Variants in CHD8 observed in about 807,000 individuals in gnomAD.
CHD8 encodes the protein ATP-dependent chromatin remodeler CHD8.
Under a neutral mutation model 279.2 loss-of-function variants are expected in CHD8, and 31 were observed. The ratio of observed to expected loss-of-function variants is 0.11; its 90% CI spans 0.08 to 0.15. The LOEUF is 0.15. Ranked by LOEUF, CHD8 falls within the 10% of genes least tolerant of loss-of-function variation. The pLI, the probability that CHD8 is intolerant of heterozygous loss-of-function variation, is 1.00. For missense variants in CHD8, 2,146 were observed against 3,230.5 expected (o/e 0.66, Z 8.14); for synonymous variants, 1,081 against 1,139.6 (o/e 0.95, Z 1.04).
rs563237483 is a variant in CHD8 at position 21,451,088 on chromosome 14, G to A, written c.-216+4944C>T. Among the ~76,000 whole-genome samples the A allele has an allele frequency of 2.0e-5, 3 of 152,210 alleles. No individual in the cohort carries two copies. In the East Asian group the frequency reaches 5.8e-4, roughly 29 times the overall value. Reference sequence around the variant, plus strand: ...GATATTTCACTCCTTAAATGACAAGGTCAACCCTTTCTTAATAATTACACA... The same window carrying A: ...GATATTTCACTCCTTAAATGACAAGATCAACCCTTTCTTAATAATTACACA... On this transcript the variant is annotated intron_variant, in intron 1 of 37. Transcript: ENST00000646647.
intron 13 of CHD8, 48 bp from the exon 14 acceptor site, chr14:21,407,080 A>G (rs1442074134): frequency 6.9e-7 from 1 of 1,453,076 alleles, no homozygotes; most frequent in African/African-American, 1.4e-5. Context: ...ATGTACCTAA[A>G]TGAGGAGCTT....
At chr14:21,397,718 AC>A in intron 27 of CHD8, 104 bp downstream of exon 27, 1 of 1,197,432 alleles carries the variant, frequency 8.4e-7, no homozygotes, top group Non-Finnish European at 1.2e-6. Flanking sequence ...AGGATCTATC[AC>A]TTTTGAGTAT....
In CHD8 at chr14:21,412,916, C is replaced by G. The variant is rs776342128; in HGVS notation, c.2223G>C (p.Gly741=). The G allele has an allele frequency of 1.3e-6, 2 of 1,591,954 alleles. No individual in the cohort carries two copies. The highest frequency in any genetic ancestry group is 2.2e-5 in the South Asian group (2 of 90,464). The change falls in exon 10 of 38, where the codon GGG becomes GGC. Residue 741 remains glycine, a synonymous_variant. Coordinates refer to ENST00000646647, the MANE Select transcript of CHD8 (RefSeq NM_001170629.2). ...DESHSIDKDN[G]EPVIYYLVKW... ...ACTCCATGCCTCAACAACTCACCTC[C>G]CCATTGTCCTTGTCAATACTGTGAG...
intron 1 of CHD8, among the ~76,000 whole-genome samples, chr14:21,451,678 T>A (rs1890260919): frequency 6.6e-6 from 1 of 150,742 alleles, no homozygotes; most frequent in African/African-American, 2.4e-5. Context: ...AATTAATGGG[T>A]AGAAATTACG....
chr14:21,428,351 T>C lies in CHD8; in HGVS notation c.1216-97A>G, dbSNP rs964054412. The C allele has an allele frequency of 8.4e-6, 9 of 1,073,698 alleles. No homozygotes were observed. The South Asian group carries it at 1.2e-4, about 15-fold the overall frequency. 66.5% of individuals were successfully genotyped at this position (1,073,698 alleles called of 1,614,324 possible). On this transcript the variant is annotated intron_variant, in intron 3 of 37. Transcript: ENST00000646647. ...GCAGGGGGGCTAGAAACTAGTTCTT[T>C]AATCCCTCAAGAATCAAGCTCAGAC...
chr14:21,421,732 A>G (rs1889052920), intron 5 of CHD8, among the ~76,000 whole-genome samples: 2 of 152,088 alleles, frequency 1.3e-5, no homozygotes, highest in South Asian at 4.1e-4. Flanking sequence ...TCCCCCCACC[A>G]AATCCATATG....
chr14:21,427,729 A>G, intron 4 of CHD8, 140 bp downstream of exon 4: 1 of 1,518,694 alleles, frequency 6.6e-7, no homozygotes, highest in South Asian at 1.3e-5. Context: ...AGTAAGGAGC[A>G]CTCACTTGAG....
Position 21,429,051 on chromosome 14 carries a change from G to A in CHD8, c.1128C>T (p.Ser376=). The change falls in exon 3 of 38, where the codon TCC becomes TCT. Residue 376 remains serine, a synonymous_variant. Coordinates refer to ENST00000646647, the MANE Select transcript of CHD8 (RefSeq NM_001170629.2). The part of the protein sequence containing the change: ...QPPSTQPVTL[S]SVQQAQIMGP... Reference sequence around the variant, plus strand: ...CCATTATCTGAGCCTGCTGTACAGAGGACAGAGTCACTGGCTGGGTGGAGG... The same window carrying A: ...CCATTATCTGAGCCTGCTGTACAGAAGACAGAGTCACTGGCTGGGTGGAGG... The A allele has an allele frequency of 6.2e-7, 1 of 1,614,002 alleles. No homozygotes were observed. The highest frequency in any genetic ancestry group is 8.5e-7 in the Non-Finnish European group (1 of 1,179,890).
At chr14:21,430,034 C>A (rs975117623) in intron 2 of CHD8, 1 of 153,508 alleles carries the variant, frequency 6.5e-6, no homozygotes, top group African/African-American at 2.4e-5. Flanking sequence ...TTTTGGAAAC[C>A]TAATAATACA....
chr14:21,431,793 A>G lies in CHD8; in HGVS notation c.-150T>C, dbSNP rs1889575755. ...AAGTATAGAGGCAAGAAACAAGTGCATGTCAGATTGTCCTGACCTTCATGG... is the reference window on the plus strand; with the variant it reads ...AAGTATAGAGGCAAGAAACAAGTGCGTGTCAGATTGTCCTGACCTTCATGG... On this transcript the variant is annotated 5_prime_UTR_variant, in exon 2 of 38. An upstream start codon of the reference 5' UTR is lost. Transcript: ENST00000646647. The G allele has an allele frequency of 1.2e-6, 2 of 1,613,618 alleles. No homozygotes were observed. Among genetic ancestry groups the G allele is most frequent in the African/African-American group, 1.3e-5 (1 of 74,906 alleles).
rs930239513 is a variant in CHD8 at position 21,443,330 on chromosome 14, G to A, written c.-215-11472C>T. ...GGCGTGAACCCGGGAGGTGGAGCTT[G>A]CAGTGAGCCGAGACTGCGCCACTGC... is the stretch of plus-strand genomic sequence containing the variant. On this transcript the variant is annotated intron_variant, in intron 1 of 37. Transcript: ENST00000646647. 3.9e-5 allele frequency among the ~76,000 whole-genome samples: 6 copies of A among 151,904 alleles called. No homozygotes were observed. In the South Asian group the frequency reaches 1.3e-3, roughly 32 times the overall value.
intron 37 of CHD8, chr14:21,386,460 T>C (rs1460075222): frequency 2.2e-6 from 1 of 449,580 alleles, no homozygotes; most frequent in Non-Finnish European, 4.0e-6. Context: ...ATTGTATCTT[T>C]ACTTTAGTCA....
Position 21,415,684 on chromosome 14 carries a change from A to C in CHD8, c.1899+41T>G, listed in dbSNP as rs751816949. 14 of 1,612,268 alleles carry C rather than the reference A, an allele frequency of 8.7e-6. No homozygotes were observed. The African/African-American group carries it at 1.9e-4, about 22-fold the overall frequency. ...AGTCAGTCAACAGATGATTGTGACCAGCAAGGCAATCCTCTGAAATCATTT... is the reference window on the plus strand; with the variant it reads ...AGTCAGTCAACAGATGATTGTGACCCGCAAGGCAATCCTCTGAAATCATTT... On this transcript the variant is annotated intron_variant, in intron 6 of 37. Coordinates refer to ENST00000646647, the MANE Select transcript of CHD8 (RefSeq NM_001170629.2).
Position 21,403,292 on chromosome 14 carries a change from G to T in CHD8, c.3519-80C>A. 7.1e-7 allele frequency: 1 copy of T among 1,401,776 alleles called. No individual in the cohort carries two copies. The highest frequency in any genetic ancestry group is 9.8e-7 in the Non-Finnish European group (1 of 1,016,646). The allele number at this position is 1,401,776 out of a possible 1,614,324, so 86.8% of individuals were successfully genotyped here. A position where few individuals can be genotyped will look rare whatever the true frequency, so the allele number is the denominator to read the frequency against. Reference sequence around the variant, plus strand: ...AAACAGCAGGCTAGGATCAATACCAGTACTCCCATATCAAAGCTGGTCAAA... The same window carrying T: ...AAACAGCAGGCTAGGATCAATACCATTACTCCCATATCAAAGCTGGTCAAA... On this transcript the variant is annotated intron_variant, in intron 17 of 37. Coordinates refer to ENST00000646647, the MANE Select transcript of CHD8 (RefSeq NM_001170629.2). This position sits in a 1 kb window ranked among gnomAD's most constrained non-coding sequence, Gnocchi z 4.3.
chr14:21,424,410 A>G (rs1178882428), intron 5 of CHD8, among the ~76,000 whole-genome samples: 2 of 152,126 alleles, frequency 1.3e-5, no homozygotes, highest in African/African-American at 2.4e-5. Flanking sequence ...ATTTCATAAT[A>G]TATTCTAAAA....
At chr14:21,432,334 A>G (rs1269168030) in intron 1 of CHD8, among the ~76,000 whole-genome samples, 1 of 152,114 alleles carries the variant, frequency 6.6e-6, no homozygotes, top group East Asian at 1.9e-4. Flanking sequence ...AAAAATAACC[A>G]CCTTTAACCA....
intron 9 of CHD8, chr14:21,413,899 T>C (rs1888612716): frequency 6.3e-6 from 1 of 158,682 alleles, no homozygotes. Context: ...ATATTGGAAA[T>C]TAAAGCTCCT....
chr14:21,391,495 G>T lies in CHD8; in HGVS notation c.7033C>A (p.Pro2345Thr), dbSNP rs779190925. The change falls in exon 36 of 38, where the codon CCA (proline) becomes ACA (threonine). Residue 2345 changes from proline to threonine, a missense_variant. Physicochemically the swap from Pro to Thr is conservative, Grantham distance 38. This residue lies in a region of CHD8 where 336 missense variants were observed against 392.9 expected (regional missense o/e 0.86). Coordinates refer to ENST00000646647, the MANE Select transcript of CHD8 (RefSeq NM_001170629.2). ...AELEMWLQGH[P>T]EFAVDPRFLA... ...AATCGGGGATCAACAGCAAACTCTGGATGACCCTGTAACCACATCTCCAGT... is the reference window on the plus strand; with the variant it reads ...AATCGGGGATCAACAGCAAACTCTGTATGACCCTGTAACCACATCTCCAGT... The T allele has an allele frequency of 6.2e-7, 1 of 1,613,904 alleles. No homozygotes were observed.
intron 1 of CHD8, among the ~76,000 whole-genome samples, chr14:21,444,629 A>C (rs1890067176): frequency 6.6e-6 from 1 of 152,080 alleles, no homozygotes; most frequent in African/African-American, 2.4e-5. Flanking sequence ...CCCACCCTCA[A>C]ACATATTTTT....
Sources: gnomAD v4.1 joint callset for allele counts (sites outside exome capture counted in the v4.1 genomes callset) on GRCh38, gnomAD v4.1.1 for gene constraint, gnomAD v4.1.1 regional missense constraint, Gnocchi (gnomAD v3.1) non-coding constraint, MANE v1.5 for transcripts, NCBI Gene and HGNC (gene_info 2026-07-23, HGNC 2026-07-21) for gene names.